The following CBX5 variants were observed in gnomAD, a reference collection of about 807,000 sequenced individuals.
CBX5 encodes the protein chromobox 5, also known as chromobox protein homolog 5.
A neutral mutation model predicts 20.7 loss-of-function variants in CBX5; 7 were observed. The ratio of observed to expected loss-of-function variants is 0.34; its 90% CI spans 0.19 to 0.63. The LOEUF is 0.63. CBX5 is among the 30% of genes least tolerant of loss of function. CBX5 has a pLI of 0.75. For synonymous variants in CBX5, 78 were observed against 77.0 expected (o/e 1.01, Z -0.07); for missense variants, 110 against 224.1 (o/e 0.49, Z 3.25).
At chr12:54,265,103 T>C (rs949050197) in intron 1 of CBX5, among the ~76,000 whole-genome samples, 3 of 152,218 alleles carry the variant, frequency 2.0e-5, no homozygotes, top group Admixed American at 6.5e-5. Flanking sequence ...TGATGAGTGG[T>C]TGCAGTTGGC....
At chr12:54,250,504 G>A (rs1013361630) in intron 3 of CBX5, among the ~76,000 whole-genome samples, 1 of 151,970 alleles carries the variant, frequency 6.6e-6, no homozygotes, top group Non-Finnish European at 1.5e-5. Flanking sequence ...TGCTATCACT[G>A]GAACAAAAGA....
At chr12:54,250,127 G>A (rs1943778801) in intron 3 of CBX5, among the ~76,000 whole-genome samples, 1 of 152,018 alleles carries the variant, frequency 6.6e-6, no homozygotes, top group South Asian at 2.1e-4. Context: ...GAAGGCTGAG[G>A]CAGAAGAATC....
Position 54,239,028 on chromosome 12 carries a change from G to A in CBX5, c.*2727C>T, listed in dbSNP as rs1943650614. 6.6e-6 allele frequency: 1 copy of A among 152,198 alleles called. No homozygotes were observed. The highest frequency in any genetic ancestry group is 6.5e-5 in the Admixed American group (1 of 15,278). The allele number at this position is 152,198 out of a possible 1,614,324, so 9.4% of individuals were successfully genotyped here. A position where few individuals can be genotyped will look rare whatever the true frequency, so the allele number is the denominator to read the frequency against. On this transcript the variant is annotated 3_prime_UTR_variant, in exon 5 of 5. Transcript: ENST00000209875. ...TACTCAACACTAACAAATGCTGGAA[G>A]CAGGCATCTGATTTCCTTTGTGCTA...
chr12:54,261,918 A>G (rs1199372406), intron 1 of CBX5, among the ~76,000 whole-genome samples: 1 of 152,230 alleles, frequency 6.6e-6, no homozygotes, highest in African/African-American at 2.4e-5. Flanking sequence ...AACCTTCTGT[A>G]AAAATATGTC....
At chr12:54,258,430 C>A (rs553053784) in intron 1 of CBX5, 32 of 152,260 alleles carry the variant, frequency 2.1e-4, no homozygotes, top group African/African-American at 7.2e-4. Flanking sequence ...ATGCAACTAA[C>A]CCAAATAGTT....
intron 2 of CBX5, among the ~76,000 whole-genome samples, chr12:54,253,423 A>C (rs140108077): frequency 5.1e-4 from 77 of 152,056 alleles, no homozygotes; most frequent in African/African-American, 1.8e-3. Flanking sequence ...TCAAAAAAAA[A>C]CAATAATAAT....
chr12:54,279,087 T>C (rs1306823580), intron 1 of CBX5: 1 of 152,246 alleles, frequency 6.6e-6, no homozygotes, highest in Non-Finnish European at 1.5e-5. Flanking sequence ...TCGATCCTAC[T>C]GTGTCCCTAG....
rs1193651298 is a variant in CBX5 at position 54,231,678 on chromosome 12, T to G, written c.*10077A>C. On this transcript the variant is annotated 3_prime_UTR_variant, in exon 5 of 5. Coordinates refer to ENST00000209875, the MANE Select transcript of CBX5 (RefSeq NM_012117.3). Reference sequence around the variant, plus strand: ...CAAGTAGAAATAGTGTCCAAAGTTTTCTCAAACCAGAGGGAAAAAAGGTCA... The same window carrying G: ...CAAGTAGAAATAGTGTCCAAAGTTTGCTCAAACCAGAGGGAAAAAAGGTCA... The G allele has an allele frequency of 2.0e-5, 3 of 152,262 alleles. No individual in the cohort carries two copies. The highest frequency in any genetic ancestry group is 2.9e-5 in the Non-Finnish European group (2 of 68,060). 9.4% of individuals were successfully genotyped at this position (152,262 alleles called of 1,614,324 possible).
rs116220275 is a variant in CBX5 at position 54,257,700 on chromosome 12, G to A, written c.-42-8C>T. ...ACTAAGGCCACCAGGTCCCTGCAAA[G>A]GCAAAGGACAAAATGGTTAGAATCC... On this transcript the variant is annotated splice_polypyrimidine_tract_variant and splice_region_variant and intron_variant, in intron 1 of 4. Coordinates refer to ENST00000209875, the MANE Select transcript of CBX5 (RefSeq NM_012117.3). The A allele has an allele frequency of 5.8e-5, 94 of 1,608,748 alleles. No homozygotes were observed. The African/African-American group carries it at 1.1e-3, about 18-fold the overall frequency.
In CBX5 at chr12:54,241,495, G is replaced by A. The variant is rs1943675840; in HGVS notation, c.*260C>T. 1 of 368,808 alleles carries A rather than the reference G, an allele frequency of 2.7e-6. No individual in the cohort carries two copies. 22.8% of individuals were successfully genotyped at this position (368,808 alleles called of 1,614,324 possible). A position where few individuals can be genotyped will look rare whatever the true frequency, so the allele number is the denominator to read the frequency against. ...AGGTCACAGGGAAGCAGAAGGAAGAGATCAGGGCAAAGGAAAAAAAAATTG... is the reference window on the plus strand; with the variant it reads ...AGGTCACAGGGAAGCAGAAGGAAGAAATCAGGGCAAAGGAAAAAAAAATTG... On this transcript the variant is annotated 3_prime_UTR_variant, in exon 5 of 5. Coordinates refer to ENST00000209875, the MANE Select transcript of CBX5 (RefSeq NM_012117.3).
intron 3 of CBX5, 56 bp downstream of exon 3, chr12:54,251,985 A>G (rs1943809627): frequency 7.3e-7 from 1 of 1,367,586 alleles, no homozygotes; most frequent in Admixed American, 2.5e-5. Flanking sequence ...TTTATTTATT[A>G]TTATTATTTT....
At chr12:54,245,788 AAAAT>A (rs971240574) in intron 4 of CBX5, among the ~76,000 whole-genome samples, 2 of 151,854 alleles carry the variant, frequency 1.3e-5, no homozygotes, top group Admixed American at 6.6e-5. Flanking sequence ...CTTTGTCTCA[AAAAT>A]AAATAAATAA....
intron 1 of CBX5, among the ~76,000 whole-genome samples, chr12:54,275,426 G>A (rs935503550): frequency 1.1e-4 from 16 of 151,700 alleles, no homozygotes; most frequent in African/African-American, 2.7e-4. Flanking sequence ...TATTTTTAGC[G>A]GAGATGGGGT....
intron 1 of CBX5, among the ~76,000 whole-genome samples, chr12:54,269,584 T>C (rs867498340): frequency 1.3e-5 from 2 of 152,134 alleles, no homozygotes; most frequent in Admixed American, 6.6e-5. Flanking sequence ...AGACGGGGCT[T>C]CACCATGCTA....
At chr12:54,251,897 C>A (rs1394575178) in intron 3 of CBX5, 144 bp downstream of exon 3, 3 of 635,506 alleles carry the variant, frequency 4.7e-6, no homozygotes, top group Non-Finnish European at 7.4e-6. Flanking sequence ...AATCAACATA[C>A]CTCCCTGGAA....
chr12:54,242,258 G>GCT (rs1943683944), intron 4 of CBX5, among the ~76,000 whole-genome samples: 1 of 152,198 alleles, frequency 6.6e-6, no homozygotes, highest in Non-Finnish European at 1.5e-5. Context: ...GGGCACGGTG[G>GCT]CTCACACCTG....
chr12:54,249,360 G>T (rs966476737), intron 3 of CBX5, among the ~76,000 whole-genome samples: 1 of 146,252 alleles, frequency 6.8e-6, no homozygotes, highest in Non-Finnish European at 1.5e-5. Context: ...GTGAGACTAT[G>T]TCTCAAAAAA....
At chr12:54,252,387 G>C in intron 2 of CBX5, 160 bp from the exon 3 acceptor site, 6 of 300,612 alleles carry the variant, frequency 2.0e-5, no homozygotes, top group Non-Finnish European at 2.2e-5. Context: ...TTCTACCCAG[G>C]AAAAATGAAA....
chr12:54,265,769 A>T (rs1471880169), intron 1 of CBX5, among the ~76,000 whole-genome samples: 1 of 152,204 alleles, frequency 6.6e-6, no homozygotes, highest in African/African-American at 2.4e-5. Context: ...GAGGCTGGGC[A>T]CAACGGCTCA....
Sources: gnomAD v4.1 joint callset for allele counts (sites outside exome capture counted in the v4.1 genomes callset) on GRCh38, gnomAD v4.1.1 for gene constraint, MANE v1.5 for transcripts, NCBI Gene and HGNC (gene_info 2026-07-23, HGNC 2026-07-21) for gene names.